Variants in RASAL2 observed in about 807,000 individuals in gnomAD.
The protein encoded by RASAL2 is ras GTPase-activating protein nGAP.
In RASAL2, 58 loss-of-function variants were observed where a neutral mutation model predicts 128.9. The ratio of observed to expected loss-of-function variants is 0.45; its 90% confidence interval spans 0.36 to 0.56. The LOEUF is 0.56. RASAL2 is among the 20% of genes least tolerant of loss of function. The pLI is 0.00. For missense variants in RASAL2, 1,360 were observed against 1,601.6 expected, an observed-to-expected ratio of 0.85 and a Z score of 2.57; for synonymous variants, 561 against 580.8, an observed-to-expected ratio of 0.97 and a Z score of 0.49.
intron 1 of RASAL2, among the ~76,000 whole-genome samples, chr1:178,251,304 A>G (rs77231387): frequency 0.018 from 2,758 of 152,336 alleles, 76 homozygotes; most frequent in African/African-American, 0.059. Flanking sequence ...ATTGACAATA[A>G]CTTGCTCATA....
At chr1:178,098,182 A>C (rs1297219229) in intron 1 of RASAL2, among the ~76,000 whole-genome samples, 1 of 152,110 alleles carries the variant, frequency 6.6e-6, no homozygotes, top group African/African-American at 2.4e-5. Context: ...CACCCCCTTC[A>C]TTGTCAACTT....
chr1:178,460,329 T>C (rs962211003), intron 14 of RASAL2, among the ~76,000 whole-genome samples: 10 of 152,160 alleles, frequency 6.6e-5, no homozygotes, highest in African/African-American at 2.4e-4. Flanking sequence ...GCTTACCCTT[T>C]CCTTCTGTAT....
intron 1 of RASAL2, among the ~76,000 whole-genome samples, chr1:178,118,072 G>T (rs1323809621): frequency 1.3e-5 from 2 of 151,838 alleles, no homozygotes; most frequent in East Asian, 3.9e-4. Flanking sequence ...GTTGAGGCAG[G>T]AGAATCCCTT....
intron 1 of RASAL2, among the ~76,000 whole-genome samples, chr1:178,141,585 G>C (rs1660535275): frequency 6.6e-6 from 1 of 151,594 alleles, no homozygotes; most frequent in South Asian, 2.1e-4. Flanking sequence ...TGCTGTTGGG[G>C]AGGTTGGCCG....
intron 17 of RASAL2, 99 bp from the exon 18 acceptor site, chr1:178,472,976 A>G: frequency 7.2e-7 from 1 of 1,394,018 alleles, no homozygotes; most frequent in South Asian, 1.3e-5. Flanking sequence ...CACCATGCAT[A>G]CAACTGTTTG....
Position 178,464,831 on chromosome 1 carries a change from G to GTTTTTTTTTTT in RASAL2, c.3387+434_3387+444dup, listed in dbSNP as rs986789340. Among the ~76,000 whole-genome samples the GTTTTTTTTTTT allele has an allele frequency of 6.4e-3, 243 of 38,198 alleles. 3 individuals carry two copies. The highest frequency in any genetic ancestry group is 7.9e-3 in the Non-Finnish European group (178 of 22,512). The allele number at this position is 38,198 out of a possible 152,430, so 25.1% of individuals were successfully genotyped here. On this transcript the variant is annotated intron_variant, in intron 15 of 17. Transcript: ENST00000367649. ...TAACAATTAGGTTTTGGTTTTAGTTGTTTTTTTTTTTTTTTTTTTTTTTTT... is the reference window on the plus strand; with the variant it reads ...TAACAATTAGGTTTTGGTTTTAGTTGTTTTTTTTTTTTTTTTTTTTTTTTTTTTTTTTTTTT...
chr1:178,452,752 A>G (rs1572101584), intron 11 of RASAL2, 100 bp downstream of exon 11: 1 of 920,010 alleles, frequency 1.1e-6, no homozygotes, highest in East Asian at 2.4e-5. Context: ...TCATGTTACC[A>G]GATTTTCACT....
At chr1:178,144,322 C>G (rs1281175040) in intron 1 of RASAL2, among the ~76,000 whole-genome samples, 1 of 152,176 alleles carries the variant, frequency 6.6e-6, no homozygotes, top group Non-Finnish European at 1.5e-5. Context: ...TGTGGGCTAA[C>G]AAAACATTCT....
At chr1:178,366,938 T>G (rs555250993) in intron 3 of RASAL2, among the ~76,000 whole-genome samples, 72 of 152,254 alleles carry the variant, frequency 4.7e-4, no homozygotes, top group African/African-American at 1.7e-3. Context: ...ACAGAGTGAC[T>G]GCTAATGGAC....
At chr1:178,227,584 TTTG>T (rs367887947) in intron 1 of RASAL2, among the ~76,000 whole-genome samples, 7 of 152,116 alleles carry the variant, frequency 4.6e-5, no homozygotes, top group South Asian at 2.1e-4. Flanking sequence ...CTGGTTGTTT[TTTG>T]TTGTTGTTGT....
chr1:178,254,359 A>C (rs1665214878), intron 1 of RASAL2, among the ~76,000 whole-genome samples: 1 of 152,186 alleles, frequency 6.6e-6, no homozygotes, highest in Non-Finnish European at 1.5e-5. Flanking sequence ...CTGTAATTAC[A>C]TGCACAGGGT....
intron 1 of RASAL2, among the ~76,000 whole-genome samples, chr1:178,165,664 T>C (rs1384063893): frequency 2.6e-5 from 4 of 152,190 alleles, no homozygotes; most frequent in Admixed American, 6.5e-5. Context: ...GAGTTTTTTA[T>C]TGAGTCAACT....
rs200621828 is a variant in RASAL2, at chr1:178,467,345, T to C, written c.3602T>C (p.Val1201Ala). 3.7e-6 allele frequency: 6 copies of C among 1,613,548 alleles called. No homozygotes were observed. Among genetic ancestry groups the C allele is most frequent in the Non-Finnish European group, 4.2e-6 (5 of 1,179,808 alleles). The stretch of plus-strand genomic sequence containing the variant: ...CTGCCACATTCTAGGCTAATGGCTG[T>C]GGAAGAGGAACTGAAGAAGGATCAT... Reference protein sequence around the residue: ...MKSIISRLMAVEEELKKDHAE... With the variant: ...MKSIISRLMAAEEELKKDHAE... The change falls in exon 17 of 18, where the codon GTG (valine) becomes GCG (alanine). Residue 1201 changes from valine (V) to alanine (A), a missense_variant. Val to Ala is a moderately conservative substitution (Grantham distance 64, BLOSUM62 0). This residue lies in a region of RASAL2 where 741 missense variants were observed against 868.6 expected (regional missense o/e 0.85). Coordinates refer to ENST00000367649, the MANE Select transcript of RASAL2 (RefSeq NM_170692.4).
intron 3 of RASAL2, among the ~76,000 whole-genome samples, chr1:178,334,183 A>G (rs1557909443): frequency 6.6e-6 from 1 of 152,100 alleles, no homozygotes; most frequent in African/African-American, 2.4e-5. Context: ...TTTTTACTGC[A>G]TGTGCAGAAA....
At position 178,180,286 on chromosome 1, in the gene RASAL2, T is replaced by C. The variant is rs114471559; in HGVS notation, c.202+85592T>C. Among the ~76,000 whole-genome samples, 379 of 152,030 alleles carry C rather than the reference T, an allele frequency of 2.5e-3. 2 individuals carry two copies. The highest frequency in any genetic ancestry group is 4.1e-3 in the Non-Finnish European group (276 of 67,982). ...GTAGCAGGACACACAGGGAAGACAATGCATTATTAATTTTAGAAATCTTTC... is the reference window on the plus strand; with the variant it reads ...GTAGCAGGACACACAGGGAAGACAACGCATTATTAATTTTAGAAATCTTTC... On this transcript the variant is annotated intron_variant, in intron 1 of 17. Coordinates refer to ENST00000367649, the MANE Select transcript of RASAL2 (RefSeq NM_170692.4).
intron 3 of RASAL2, among the ~76,000 whole-genome samples, chr1:178,318,251 G>GA (rs1223837584): frequency 3.6e-4 from 54 of 148,160 alleles, no homozygotes; most frequent in African/African-American, 1.2e-3. Context: ...GTGTGGTGCT[G>GA]AAAAAAATGT....
chr1:178,369,959 TG>T (rs1671610300), intron 3 of RASAL2, among the ~76,000 whole-genome samples: 1 of 152,200 alleles, frequency 6.6e-6, no homozygotes, highest in Non-Finnish European at 1.5e-5. Flanking sequence ...TACTTTAAGA[TG>T]TCAGGGAAGA....
chr1:178,285,366 C>T (rs1035482563), intron 2 of RASAL2, among the ~76,000 whole-genome samples: 12 of 151,268 alleles, frequency 7.9e-5, no homozygotes, highest in African/African-American at 2.9e-4. Context: ...ATGATCCACC[C>T]GCCTCGGCCT....
At chr1:178,301,686 G>A (rs1667772342) in intron 3 of RASAL2, among the ~76,000 whole-genome samples, 1 of 152,126 alleles carries the variant, frequency 6.6e-6, no homozygotes, top group Non-Finnish European at 1.5e-5. Context: ...GCCCTCCTCA[G>A]CCTCCCAAAG....
Sources: gnomAD v4.1 joint callset for allele counts (sites outside exome capture counted in the v4.1 genomes callset) on GRCh38, gnomAD v4.1.1 for gene constraint, gnomAD v4.1.1 regional missense constraint, MANE v1.5 for transcripts, NCBI Gene and HGNC (gene_info 2026-07-23, HGNC 2026-07-21) for gene names.